Variants in BTBD9 observed in about 807,000 individuals in gnomAD.
The protein encoded by BTBD9 is BTB/POZ domain-containing protein 9.
BTBD9 carries 49 observed loss-of-function variants against 64.3 expected under a neutral mutation model. The observed-to-expected ratio is 0.76, with a 90% CI of 0.61 to 0.97. The LOEUF (loss-of-function observed/expected upper bound fraction) is 0.97, where lower values mean the gene tolerates loss of function less well. Among genes scored for constraint, BTBD9 ranks in the 50% least tolerant of loss-of-function variants. The pLI, the probability that BTBD9 is intolerant of heterozygous loss-of-function variation, is 0.00. For missense variants in BTBD9, 598 were observed against 762.1 expected, an observed-to-expected ratio of 0.78 and a Z score of 2.53; for synonymous variants, 260 against 274.7, an observed-to-expected ratio of 0.95 and a Z score of 0.53.
At position 38,175,063 on chromosome 6, in the gene BTBD9, C is replaced by T. The variant is rs578132492; in HGVS notation, c.1761G>A (p.Ala587=). ...SLAGQQLDSH[A]LRAPSGSSLP... ...GTGAGCTGCCACTAGGCGCCCGCAGCGCATGGGAGTCGAGCTGCTGACCGG... is the reference window on the plus strand; with the variant it reads ...GTGAGCTGCCACTAGGCGCCCGCAGTGCATGGGAGTCGAGCTGCTGACCGG... The change falls in exon 11 of 11, where the codon GCG becomes GCA. Residue 587 remains alanine, a synonymous_variant. Transcript: ENST00000481247. 25 of 1,614,200 alleles carry T rather than the reference C, an allele frequency of 1.5e-5. No homozygotes were observed. The highest frequency in any genetic ancestry group is 1.1e-4 in the South Asian group (10 of 91,084).
intron 6 of BTBD9, among the ~76,000 whole-genome samples, chr6:38,512,798 G>A (rs150976971): frequency 0.018 from 2,758 of 152,102 alleles, 38 homozygotes; most frequent in Middle Eastern, 0.027. Flanking sequence ...ATATAAATAC[G>A]TTTAGCTATT....
At chr6:38,507,693 C>T (rs574882145) in intron 6 of BTBD9, among the ~76,000 whole-genome samples, 1 of 152,088 alleles carries the variant, frequency 6.6e-6, no homozygotes, top group African/African-American at 2.4e-5. Context: ...GTCTCATAAG[C>T]CCCCCTCTTC....
chr6:38,365,613 C>T (rs1394275895), intron 6 of BTBD9, among the ~76,000 whole-genome samples: 1 of 151,996 alleles, frequency 6.6e-6, no homozygotes, highest in East Asian at 1.9e-4. Context: ...AGAAAATTTG[C>T]AGGGCGTGGT....
intron 6 of BTBD9, among the ~76,000 whole-genome samples, chr6:38,353,938 G>A (rs533003551): frequency 3.9e-5 from 6 of 152,180 alleles, no homozygotes; most frequent in Non-Finnish European, 8.8e-5. Context: ...TAAGACTAGG[G>A]TGGGCATATG....
chr6:38,358,078 AAAT>A (rs1429042358), intron 6 of BTBD9, among the ~76,000 whole-genome samples: 2 of 152,032 alleles, frequency 1.3e-5, no homozygotes, highest in Admixed American at 1.3e-4. Context: ...TACTGAGTAA[AAAT>A]AAAATAACTC....
Position 38,507,935 on chromosome 6 carries a change from G to A in BTBD9, c.1154+69665C>T, listed in dbSNP as rs147378872. Among the ~76,000 whole-genome samples, 112 of 148,808 alleles carry A rather than the reference G, an allele frequency of 7.5e-4. 1 individual carries two copies. Among genetic ancestry groups the A allele is most frequent in the Admixed American group, 3.2e-3 (47 of 14,520 alleles). ...TTTACGCTCCGCCTCCTAGGTTCAC[G>A]CCATTCTCCTACCTCAGCCTCCCGA... On this transcript the variant is annotated intron_variant, in intron 6 of 10. Transcript: ENST00000481247.
chr6:38,327,613 G>A (rs1300730000), intron 7 of BTBD9, among the ~76,000 whole-genome samples: 1 of 152,128 alleles, frequency 6.6e-6, no homozygotes, highest in Non-Finnish European at 1.5e-5. Context: ...TATTTTAAGT[G>A]TACAATGTGA....
chr6:38,543,033 G>A (rs1166987858), intron 6 of BTBD9, among the ~76,000 whole-genome samples: 3 of 152,036 alleles, frequency 2.0e-5, no homozygotes, highest in Admixed American at 1.3e-4. Context: ...TACCTAAAAG[G>A]CCTTAACATA....
chr6:38,389,109 G>T (rs1006466685), intron 6 of BTBD9, among the ~76,000 whole-genome samples: 3 of 152,026 alleles, frequency 2.0e-5, no homozygotes, highest in Non-Finnish European at 2.9e-5. Flanking sequence ...TTAATTAATA[G>T]AGGTGAGGAT....
intron 6 of BTBD9, among the ~76,000 whole-genome samples, chr6:38,567,060 A>G (rs1224457035): frequency 1.3e-5 from 2 of 152,228 alleles, no homozygotes; most frequent in African/African-American, 4.8e-5. Flanking sequence ...TAAAAGAAGG[A>G]AAAACGTCTT....
rs1766760716 is a variant in BTBD9 at position 38,171,559 on chromosome 6, T to G, written c.*3426A>C. On this transcript the variant is annotated 3_prime_UTR_variant, in exon 11 of 11. Coordinates refer to ENST00000481247, the MANE Select transcript of BTBD9 (RefSeq NM_001099272.2). ...CACTGAGAAAATGGTAAAACGGGTG[T>G]GTGTGTGTGTGTGTGTGTGTGTGTG... The G allele has an allele frequency of 9.2e-4, 1 of 1,084 alleles. No individual in the cohort carries two copies. Among genetic ancestry groups the G allele is most frequent in the African/African-American group, 2.7e-3 (1 of 376 alleles). The allele number at this position is 1,084 out of a possible 1,614,324, so 0.1% of individuals were successfully genotyped here.
intron 6 of BTBD9, among the ~76,000 whole-genome samples, chr6:38,506,929 T>C (rs1262959122): frequency 2.0e-5 from 3 of 152,170 alleles, no homozygotes; most frequent in Non-Finnish European, 2.9e-5. Flanking sequence ...ATACTGTTTT[T>C]CCCTAACTCA....
intron 7 of BTBD9, among the ~76,000 whole-genome samples, chr6:38,316,805 T>C (rs1027403825): frequency 1.3e-5 from 2 of 152,228 alleles, no homozygotes; most frequent in Non-Finnish European, 2.9e-5. Context: ...TCAGATGACT[T>C]CTTATTGCTC....
chr6:38,356,988 G>A (rs1039759634), intron 6 of BTBD9, among the ~76,000 whole-genome samples: 2 of 152,084 alleles, frequency 1.3e-5, no homozygotes, highest in Non-Finnish European at 2.9e-5. Flanking sequence ...GAGAGGTAGG[G>A]TCTCAACAAA....
In BTBD9 at chr6:38,501,138, T is replaced by A. The variant is rs189242030; in HGVS notation, c.1154+76462A>T. On this transcript the variant is annotated intron_variant, in intron 6 of 10. Coordinates refer to ENST00000481247, the MANE Select transcript of BTBD9 (RefSeq NM_001099272.2). ...AAAAGTTAACTTACAGTTCTAAAAATTTTTTTAGGCCAAAATGAGCCTTCA... is the reference window on the plus strand; with the variant it reads ...AAAAGTTAACTTACAGTTCTAAAAAATTTTTTAGGCCAAAATGAGCCTTCA... 5.0e-3 allele frequency among the ~76,000 whole-genome samples: 763 copies of A among 152,188 alleles called. 17 individuals carry two copies. The highest frequency in any genetic ancestry group is 0.018 in the African/African-American group (738 of 41,522).
At chr6:38,383,759 G>A (rs532601981) in intron 6 of BTBD9, among the ~76,000 whole-genome samples, 23 of 152,290 alleles carry the variant, frequency 1.5e-4, no homozygotes, top group African/African-American at 5.1e-4. Flanking sequence ...TACACTAAAC[G>A]GTGAGTAATG....
intron 7 of BTBD9, among the ~76,000 whole-genome samples, chr6:38,307,897 T>C (rs142441955): frequency 8.1e-4 from 124 of 152,276 alleles, no homozygotes; most frequent in African/African-American, 2.8e-3. Flanking sequence ...GTGGCCTGCT[T>C]TCTAGAAGAT....
intron 6 of BTBD9, among the ~76,000 whole-genome samples, chr6:38,415,015 C>A (rs1436827625): frequency 6.6e-6 from 1 of 152,148 alleles, no homozygotes; most frequent in African/African-American, 2.4e-5. Flanking sequence ...CCCTAAACAT[C>A]TAAAATAAAA....
intron 7 of BTBD9, among the ~76,000 whole-genome samples, chr6:38,290,748 C>T (rs1031450215): frequency 6.6e-6 from 1 of 152,154 alleles, no homozygotes; most frequent in Admixed American, 6.6e-5. Flanking sequence ...GTCTAAGTCA[C>T]ATGGTCTTAT....
Sources: allele counts gnomAD v4.1 joint callset (sites outside exome capture counted in the v4.1 genomes callset), GRCh38; gene constraint gnomAD v4.1.1; transcripts MANE v1.5; gene names NCBI Gene and HGNC (gene_info 2026-07-23, HGNC 2026-07-21).